CDKAL1: variants seen among roughly 807,000 people sequenced by gnomAD.
CDKAL1 encodes the protein threonylcarbamoyladenosine tRNA methylthiotransferase.
In CDKAL1, 32 loss-of-function variants were observed where a neutral mutation model predicts 68.2. That is an observed-to-expected ratio of 0.47 (90% CI 0.35 to 0.63). The LOEUF is 0.63. Ranked by LOEUF, CDKAL1 falls within the 30% of genes least tolerant of loss-of-function variation. The pLI, the probability that CDKAL1 is intolerant of heterozygous loss-of-function variation, is 0.00. For synonymous variants in CDKAL1, 234 were observed against 244.3 expected, an observed-to-expected ratio of 0.96 and a Z score of 0.39; for missense variants, 606 against 696.7, an observed-to-expected ratio of 0.87 and a Z score of 1.47.
intron 8 of CDKAL1, among the ~76,000 whole-genome samples, chr6:20,786,214 G>T: frequency 6.6e-6 from 1 of 152,166 alleles, no homozygotes; most frequent in East Asian, 1.9e-4. Flanking sequence ...GACAGAGTGA[G>T]ATTTCATCTC....
intron 9 of CDKAL1, among the ~76,000 whole-genome samples, chr6:20,918,790 C>T (rs1762828806): frequency 6.6e-6 from 1 of 152,132 alleles, no homozygotes; most frequent in Admixed American, 6.5e-5. Flanking sequence ...ATGATGCTTC[C>T]TGATGGGGCA....
chr6:21,075,260 A>G (rs1260826371), intron 12 of CDKAL1, among the ~76,000 whole-genome samples: 1 of 152,190 alleles, frequency 6.6e-6, no homozygotes, highest in Non-Finnish European at 1.5e-5. Context: ...TGTAGATGAC[A>G]TAAGGATAAG....
intron 4 of CDKAL1, among the ~76,000 whole-genome samples, chr6:20,646,964 C>T (rs761741623): frequency 2.2e-4 from 33 of 152,130 alleles, no homozygotes; most frequent in African/African-American, 4.6e-4. Context: ...AGGCTGGTCT[C>T]GAACTCCTAA....
chr6:20,540,618 G>T (rs1763354207), intron 2 of CDKAL1, among the ~76,000 whole-genome samples: 1 of 151,928 alleles, frequency 6.6e-6, no homozygotes. Context: ...ACCATGCCTG[G>T]CTAATTTTTG....
intron 12 of CDKAL1, among the ~76,000 whole-genome samples, chr6:21,080,009 T>TGTGTGTGTG (rs1375751747): frequency 1.3e-5 from 2 of 151,296 alleles, no homozygotes; most frequent in Non-Finnish European, 2.9e-5. Flanking sequence ...TGTGTGTGTG[T>TGTGTGTGTG]TTGAACCATG....
intron 5 of CDKAL1, among the ~76,000 whole-genome samples, chr6:20,698,152 G>T (rs1234567261): frequency 6.6e-6 from 1 of 152,136 alleles, no homozygotes; most frequent in African/African-American, 2.4e-5. Context: ...GTATTGCAGT[G>T]TGTCTGTCTG....
intron 4 of CDKAL1, among the ~76,000 whole-genome samples, chr6:20,628,229 A>AT (rs2127739204): frequency 6.6e-6 from 1 of 152,098 alleles, no homozygotes; most frequent in South Asian, 2.1e-4. Flanking sequence ...TACCTCTGGG[A>AT]TTTTTTGGTA....
At chr6:20,911,945 G>A (rs1762486366) in intron 9 of CDKAL1, among the ~76,000 whole-genome samples, 1 of 152,158 alleles carries the variant, frequency 6.6e-6, no homozygotes. Flanking sequence ...ATTGGGTGGA[G>A]GAGTTTCTCC....
chr6:21,130,281 A>G (rs1217367231), intron 13 of CDKAL1, among the ~76,000 whole-genome samples: 2 of 146,054 alleles, frequency 1.4e-5, no homozygotes, highest in African/African-American at 5.1e-5. Context: ...CTGGAGTGCA[A>G]TGGTGCGATC....
Position 20,741,300 on chromosome 6 carries a change from G to A in CDKAL1, c.468+1685G>A, listed in dbSNP as rs111319700. ...TTCTATTTAATCCCACACCTTTGTTGTTCTGTGGTTAACATTTATTTTCTT... is the reference window on the plus strand; with the variant it reads ...TTCTATTTAATCCCACACCTTTGTTATTCTGTGGTTAACATTTATTTTCTT... On this transcript the variant is annotated intron_variant, in intron 6 of 15. Coordinates refer to ENST00000274695, the MANE Select transcript of CDKAL1 (RefSeq NM_017774.3). Among the ~76,000 whole-genome samples the A allele has an allele frequency of 2.4e-3, 368 of 151,964 alleles. 2 individuals are homozygous for A. Among genetic ancestry groups the A allele is most frequent in the African/African-American group, 8.2e-3 (340 of 41,478 alleles).
intron 11 of CDKAL1, among the ~76,000 whole-genome samples, chr6:21,007,482 CAAAAAAAAAAA>C (rs147527333): frequency 1.1e-4 from 9 of 84,552 alleles, no homozygotes; most frequent in East Asian, 1.1e-3. Context: ...GACCCTGTCT[CAAAAAAAAAAA>C]AAAAAAAAAA....
intron 9 of CDKAL1, among the ~76,000 whole-genome samples, chr6:20,951,008 G>A (rs2150718200): frequency 1.3e-5 from 2 of 151,904 alleles, no homozygotes; most frequent in East Asian, 3.9e-4. Context: ...GATGGAGAGT[G>A]GAGAGCACAC....
At chr6:20,784,307 A>G (rs904356513) in intron 8 of CDKAL1, among the ~76,000 whole-genome samples, 4 of 151,458 alleles carry the variant, frequency 2.6e-5, no homozygotes, top group Non-Finnish European at 5.9e-5. Flanking sequence ...ACCTGATACA[A>G]TAGAAATGCT....
chr6:20,959,133 T>C (rs1764926022), intron 10 of CDKAL1, among the ~76,000 whole-genome samples: 1 of 152,172 alleles, frequency 6.6e-6, no homozygotes, highest in Admixed American at 6.6e-5. Context: ...ACATGTGTAC[T>C]GAATAAAAGG....
intron 4 of CDKAL1, among the ~76,000 whole-genome samples, chr6:20,596,457 C>T (rs1368553504): frequency 1.3e-5 from 2 of 152,294 alleles, no homozygotes; most frequent in South Asian, 2.1e-4. Flanking sequence ...GTTTTGTTTA[C>T]ACTGTGAGGG....
chr6:21,022,208 A>T (rs2150862765), intron 11 of CDKAL1, among the ~76,000 whole-genome samples: 1 of 152,322 alleles, frequency 6.6e-6, no homozygotes, highest in African/African-American at 2.4e-5. Context: ...TACATTTAAA[A>T]ATCAGAATTA....
At chr6:21,005,045 T>A (rs866529426) in intron 11 of CDKAL1, among the ~76,000 whole-genome samples, 1 of 152,226 alleles carries the variant, frequency 6.6e-6, no homozygotes, top group South Asian at 2.1e-4. Context: ...GATGTTTCTG[T>A]TATCTTTTAA....
chr6:20,781,675 C>T (rs1229064236), intron 8 of CDKAL1, among the ~76,000 whole-genome samples: 1 of 152,098 alleles, frequency 6.6e-6, no homozygotes, highest in Admixed American at 6.6e-5. Context: ...ATTTGAAATG[C>T]ATATTTTAAA....
chr6:21,010,691 C>T (rs1181453752), intron 11 of CDKAL1, among the ~76,000 whole-genome samples: 1 of 152,010 alleles, frequency 6.6e-6, no homozygotes, highest in Non-Finnish European at 1.5e-5. Flanking sequence ...GCAGTAATAT[C>T]GAAAAGGTGC....
Sources: gnomAD v4.1 joint callset for allele counts (sites outside exome capture counted in the v4.1 genomes callset) on GRCh38, gnomAD v4.1.1 for gene constraint, MANE v1.5 for transcripts, NCBI Gene and HGNC (gene_info 2026-07-23, HGNC 2026-07-21) for gene names.